Variants in LCOR observed in about 807,000 individuals in gnomAD.
The protein encoded by LCOR is ligand-dependent corepressor.
In LCOR, 14 loss-of-function variants were observed where a neutral mutation model predicts 64.4. The ratio of observed to expected loss-of-function variants is 0.22; its 90% CI spans 0.14 to 0.34. The LOEUF is 0.34. LCOR is among the 10% of genes least tolerant of loss of function. The probability of loss-of-function intolerance (pLI) is 1.00; values close to 1 mark genes in which losing one functional copy is unlikely to be tolerated. For missense variants in LCOR, 1,686 were observed against 1,765.3 expected (o/e 0.96, Z 0.80); for synonymous variants, 643 against 642.5 (o/e 1.00, Z -0.01).
At chr10:96,970,638 AT>A (rs1162995470) in intron 7 of LCOR, among the ~76,000 whole-genome samples, 6 of 139,152 alleles carry the variant, frequency 4.3e-5, no homozygotes, top group African/African-American at 1.1e-4. Context: ...ATTTTATTTT[AT>A]TTTATTTTAT....
At chr10:96,954,226 T>A (rs1847727615) in intron 7 of LCOR, among the ~76,000 whole-genome samples, 1 of 152,192 alleles carries the variant, frequency 6.6e-6, no homozygotes, top group Admixed American at 6.5e-5. Context: ...TACTCATGTA[T>A]CTGCAACTAG....
rs191192824 is a variant in LCOR, at chr10:96,848,813, G to A, written c.-330+15334G>A. Among the ~76,000 whole-genome samples, 15 of 152,194 alleles carry A rather than the reference G, an allele frequency of 9.9e-5. No homozygotes were observed. The East Asian group carries it at 2.7e-3, about 27-fold the overall frequency. ...AAAACACAGGCTAGGATTCTGCCAG[G>A]AATATTCTTTCAGGAATGGTTAGCT... On this transcript the variant is annotated intron_variant, in intron 2 of 7. Coordinates refer to ENST00000421806, the MANE Select transcript of LCOR (RefSeq NM_001346516.2).
rs908315679 is a variant in LCOR at position 96,907,376 on chromosome 10, C to T, written c.-264+46C>T. ...ATTTCAAATTCTTCCTGGTGCCATA[C>T]ATGATACGTTGGTGTTTTAAGCCTC... On this transcript the variant is annotated intron_variant, in intron 3 of 7. Transcript: ENST00000421806. The T allele has an allele frequency of 3.7e-5, 24 of 645,342 alleles. No individual in the cohort carries two copies. In the African/African-American group the frequency reaches 4.6e-4, roughly 12 times the overall value. The allele number at this position is 645,342 out of a possible 1,614,324, so 40.0% of individuals were successfully genotyped here.
intron 7 of LCOR, among the ~76,000 whole-genome samples, chr10:96,953,580 C>T (rs1022753161): frequency 3.4e-5 from 5 of 146,068 alleles, no homozygotes; most frequent in African/African-American, 1.0e-4. Context: ...ACAAAAAACA[C>T]TTGAGTTGTG....
intron 7 of LCOR, among the ~76,000 whole-genome samples, chr10:96,978,316 T>A (rs985775487): frequency 1.3e-5 from 2 of 152,230 alleles, no homozygotes; most frequent in African/African-American, 2.4e-5. Context: ...AGATAATATT[T>A]GCCATTCTTG....
At chr10:96,833,524 G>A (rs947133745) in intron 2 of LCOR, 45 bp downstream of exon 2, 16 of 831,222 alleles carry the variant, frequency 1.9e-5, no homozygotes, top group Middle Eastern at 6.0e-4. Flanking sequence ...CCGCCCCCTA[G>A]CCCCAGTCCA....
intron 1 of LCOR, among the ~76,000 whole-genome samples, chr10:96,832,778 C>A (rs1453788329): frequency 1.3e-5 from 2 of 150,714 alleles, no homozygotes; most frequent in Non-Finnish European, 3.0e-5. Flanking sequence ...CGACTCGCCT[C>A]GCGGCGCTGC....
chr10:96,880,040 G>A (rs986846482), intron 2 of LCOR, among the ~76,000 whole-genome samples: 6 of 152,200 alleles, frequency 3.9e-5, no homozygotes, highest in African/African-American at 1.2e-4. Context: ...TGGATTAAGG[G>A]TGTTTCATAT....
chr10:96,961,367 A>G (rs1847877958), intron 7 of LCOR: 1 of 152,048 alleles, frequency 6.6e-6, no homozygotes, highest in East Asian at 1.9e-4. Context: ...TATTATTATA[A>G]TATTTAATCT....
intron 2 of LCOR, among the ~76,000 whole-genome samples, chr10:96,863,564 A>C (rs996352468): frequency 1.3e-5 from 2 of 152,184 alleles, no homozygotes; most frequent in African/African-American, 2.4e-5. Context: ...ATTGATTCTA[A>C]AAGTTTGATT....
In LCOR at chr10:96,845,449, CTTTTTTTTTTTTTTTTTTT is replaced by C. The variant is rs762639752; in HGVS notation, c.-330+11989_-330+12007del. ...TTTGCCTCTTATAAATGGGCTTATC[CTTTTTTTTTTTTTTTTTTT>C]TTTTTTTTTTTTTTTTTTGAGACGG... On this transcript the variant is annotated intron_variant, in intron 2 of 7. Coordinates refer to ENST00000421806, the MANE Select transcript of LCOR (RefSeq NM_001346516.2). Among the ~76,000 whole-genome samples the C allele has an allele frequency of 6.0e-4, 29 of 48,686 alleles. 2 individuals are homozygous for C. Among genetic ancestry groups the C allele is most frequent in the African/African-American group, 1.4e-3 (17 of 11,910 alleles). 31.9% of individuals were successfully genotyped at this position (48,686 alleles called of 152,430 possible). A position where few individuals can be genotyped will look rare whatever the true frequency, so the allele number is the denominator to read the frequency against.
At chr10:96,963,618 T>G (rs1289330781) in intron 7 of LCOR, 2 of 152,220 alleles carry the variant, frequency 1.3e-5, no homozygotes, top group Admixed American at 6.5e-5. Context: ...GGTCTGCATA[T>G]CAGCAGACAG....
intron 4 of LCOR, among the ~76,000 whole-genome samples, chr10:96,929,909 G>A (rs959003048): frequency 2.0e-5 from 3 of 152,182 alleles, no homozygotes; most frequent in African/African-American, 7.2e-5. Context: ...AAGGGAACAG[G>A]TGTTCAGTGG....
chr10:96,953,278 G>A (rs956409431), intron 7 of LCOR, among the ~76,000 whole-genome samples: 19 of 151,932 alleles, frequency 1.3e-4, no homozygotes, highest in Non-Finnish European at 2.5e-4. Context: ...TGAGCCGGGC[G>A]TGGTGGCTCA....
At chr10:96,964,597 TTGC>T (rs957195557) in intron 7 of LCOR, among the ~76,000 whole-genome samples, 20 of 152,292 alleles carry the variant, frequency 1.3e-4, no homozygotes, top group Admixed American at 5.9e-4. Flanking sequence ...TTAGATAAAG[TTGC>T]TGCTGTGAGA....
intron 2 of LCOR, among the ~76,000 whole-genome samples, chr10:96,841,202 CAT>C (rs1313106682): frequency 2.0e-5 from 3 of 152,136 alleles, no homozygotes; most frequent in East Asian, 1.9e-4. Context: ...TACTTAGAAA[CAT>C]ATAGTTGTCT....
intron 2 of LCOR, among the ~76,000 whole-genome samples, chr10:96,873,571 C>CTGTGT (rs759335426): frequency 7.9e-6 from 1 of 126,340 alleles, no homozygotes; most frequent in Non-Finnish European, 1.7e-5. Flanking sequence ...CACACACACA[C>CTGTGT]GTGTGTGTGT....
chr10:96,877,018 C>T lies in LCOR; in HGVS notation c.-329-30247C>T, dbSNP rs1208332131. On this transcript the variant is annotated intron_variant, in intron 2 of 7. Transcript: ENST00000421806. ...CCAACAGATGTATATAAAAATTGTT[C>T]AGTCATTATTATAATCAAGGACTTG... Among the ~76,000 whole-genome samples the T allele has an allele frequency of 2.0e-5, 3 of 151,910 alleles. No homozygotes were observed. In the East Asian group the frequency reaches 5.8e-4, roughly 29 times the overall value.
Position 96,842,096 on chromosome 10 carries a change from A to T in LCOR, c.-330+8617A>T, listed in dbSNP as rs975886441. On this transcript the variant is annotated intron_variant, in intron 2 of 7. Coordinates refer to ENST00000421806, the MANE Select transcript of LCOR (RefSeq NM_001346516.2). ...CATGCTTTACCTTTCCTAAACTCACAGTATAAAGGGAAAGAGAGGCCAGGC... is the reference window on the plus strand; with the variant it reads ...CATGCTTTACCTTTCCTAAACTCACTGTATAAAGGGAAAGAGAGGCCAGGC... 4.6e-5 allele frequency among the ~76,000 whole-genome samples: 7 copies of T among 151,892 alleles called. No individual in the cohort carries two copies. In the East Asian group the frequency reaches 1.4e-3, roughly 30 times the overall value.
Sources: gnomAD v4.1 joint callset for allele counts (sites outside exome capture counted in the v4.1 genomes callset) on GRCh38, gnomAD v4.1.1 for gene constraint, MANE v1.5 for transcripts, NCBI Gene and HGNC (gene_info 2026-07-23, HGNC 2026-07-21) for gene names.